Variants in TNNI3K observed in about 807,000 individuals in gnomAD.
The protein encoded by TNNI3K is serine/threonine-protein kinase TNNI3K.
In TNNI3K, 140 loss-of-function variants were observed where a neutral mutation model predicts 114.5. The ratio of observed to expected loss-of-function variants is 1.22; its 90% CI spans 1.07 to 1.41. The LOEUF (loss-of-function observed/expected upper bound fraction) is 1.41. TNNI3K is among the 40% of genes most tolerant of loss of function. TNNI3K has a pLI of 0.00. For missense variants in TNNI3K, 1,125 were observed against 1,007.6 expected (o/e 1.12, Z -1.58); for synonymous variants, 347 against 347.5 (o/e 1.00, Z 0.02).
chr1:74,463,288 G>C (rs1667526314), intron 20 of TNNI3K, among the ~76,000 whole-genome samples, 153 bp from the exon 21 acceptor site: 1 of 152,168 alleles, frequency 6.6e-6, no homozygotes, highest in Non-Finnish European at 1.5e-5. Flanking sequence ...ACTTTCTTTA[G>C]ACCATTGGGG....
chr1:74,271,373 C>T (rs1040111416), intron 4 of TNNI3K, among the ~76,000 whole-genome samples: 3 of 151,818 alleles, frequency 2.0e-5, no homozygotes, highest in Admixed American at 6.6e-5. Flanking sequence ...CTTGTTCAAG[C>T]GGTAGAGGAT....
chr1:74,520,022 A>C (rs1646408137), intron 23 of TNNI3K, among the ~76,000 whole-genome samples: 1 of 152,088 alleles, frequency 6.6e-6, no homozygotes, highest in Admixed American at 6.6e-5. Flanking sequence ...TATTTCCATA[A>C]GTTTTTGGGG....
chr1:74,263,985 T>C (rs1181125487), intron 4 of TNNI3K, among the ~76,000 whole-genome samples: 1 of 151,836 alleles, frequency 6.6e-6, no homozygotes, highest in African/African-American at 2.4e-5. Flanking sequence ...ATCATCTCTA[T>C]ATTATTAAAT....
At chr1:74,439,443 G>T in intron 19 of TNNI3K, 47 bp from the exon 20 acceptor site, 2 of 1,597,078 alleles carry the variant, frequency 1.3e-6, no homozygotes, top group Non-Finnish European at 1.7e-6. Flanking sequence ...TGCAGTGGAA[G>T]AACCAAACAC....
chr1:74,445,905 C>T (rs538134721), intron 20 of TNNI3K, among the ~76,000 whole-genome samples: 156 of 152,214 alleles, frequency 1.0e-3, no homozygotes, highest in Middle Eastern at 3.4e-3. Context: ...CCACCGTGCC[C>T]GGCCGTTCCA....
intron 21 of TNNI3K, among the ~76,000 whole-genome samples, chr1:74,485,986 G>A (rs531747368): frequency 6.6e-6 from 1 of 152,246 alleles, no homozygotes; most frequent in African/African-American, 2.4e-5. Flanking sequence ...AAAGGACCCG[G>A]CTAATCTATA....
intron 7 of TNNI3K, among the ~76,000 whole-genome samples, chr1:74,337,432 A>G (rs1252344862): frequency 6.6e-6 from 1 of 151,932 alleles, no homozygotes; most frequent in Non-Finnish European, 1.5e-5. Context: ...GCCCATGCCT[A>G]TGTCCTGAAT....
chr1:74,295,657 A>G (rs951102220), intron 5 of TNNI3K, among the ~76,000 whole-genome samples: 5 of 152,108 alleles, frequency 3.3e-5, no homozygotes, highest in Admixed American at 1.3e-4. Flanking sequence ...TCTTTTAGCA[A>G]TATCACTATG....
intron 24 of TNNI3K, among the ~76,000 whole-genome samples, chr1:74,543,075 T>C (rs1181944377): frequency 1.7e-4 from 21 of 126,472 alleles, no homozygotes; most frequent in Non-Finnish European, 3.2e-4. Context: ...TTTTTTTTTT[T>C]TTTTTTTTTT....
intron 17 of TNNI3K, chr1:74,377,218 C>T (rs778444942): frequency 2.6e-5 from 4 of 151,982 alleles, no homozygotes; most frequent in Admixed American, 1.3e-4. Flanking sequence ...CAAGTCACAA[C>T]GTAACTCCAA....
chr1:74,351,764 A>G (rs1366749966), intron 9 of TNNI3K, among the ~76,000 whole-genome samples: 1 of 152,114 alleles, frequency 6.6e-6, no homozygotes, highest in Admixed American at 6.6e-5. Context: ...CGCATCGGTT[A>G]CTGAGGCTTG....
chr1:74,257,663 C>CTTACCTCT (rs771946564), intron 4 of TNNI3K, among the ~76,000 whole-genome samples: 12 of 87,280 alleles, frequency 1.4e-4, no homozygotes, highest in African/African-American at 5.9e-4. Flanking sequence ...TGGCTTACCT[C>CTTACCTCT]TTTTTTTTTT....
intron 20 of TNNI3K, among the ~76,000 whole-genome samples, chr1:74,456,033 C>T (rs1411089742): frequency 1.3e-5 from 2 of 152,130 alleles, no homozygotes; most frequent in Non-Finnish European, 1.5e-5. Flanking sequence ...TATAGAACAA[C>T]TCTTATTATT....
At chr1:74,330,514 A>G (rs934756690) in intron 5 of TNNI3K, among the ~76,000 whole-genome samples, 2 of 152,118 alleles carry the variant, frequency 1.3e-5, no homozygotes, top group African/African-American at 4.8e-5. Flanking sequence ...TGCTCTACAA[A>G]GTTATTGTAA....
At chr1:74,498,729 C>T (rs1669460436) in intron 23 of TNNI3K, among the ~76,000 whole-genome samples, 1 of 151,846 alleles carries the variant, frequency 6.6e-6, no homozygotes, top group African/African-American at 2.4e-5. Flanking sequence ...TCCAGTCTTC[C>T]CCCCGACTAT....
At chr1:74,402,260 A>G (rs1478545269) in intron 17 of TNNI3K, among the ~76,000 whole-genome samples, 4 of 152,166 alleles carry the variant, frequency 2.6e-5, no homozygotes, top group Admixed American at 2.0e-4. Context: ...AGGAAGCCTA[A>G]TGCCTGCTTT....
intron 9 of TNNI3K, among the ~76,000 whole-genome samples, chr1:74,348,140 G>A (rs533887012): frequency 6.6e-6 from 1 of 151,486 alleles, no homozygotes; most frequent in Non-Finnish European, 1.5e-5. Flanking sequence ...GGTCTAACAT[G>A]TAAGTCTTTA....
At chr1:74,529,655 A>G (rs560300221) in intron 23 of TNNI3K, among the ~76,000 whole-genome samples, 51 of 152,352 alleles carry the variant, frequency 3.3e-4, no homozygotes, top group South Asian at 8.3e-4. Context: ...ACACTAAAGT[A>G]TTTGGGAGAT....
intron 5 of TNNI3K, among the ~76,000 whole-genome samples, chr1:74,320,369 G>A (rs1380816283): frequency 6.6e-6 from 1 of 152,170 alleles, no homozygotes; most frequent in Non-Finnish European, 1.5e-5. Flanking sequence ...AACTGTGGAA[G>A]CACCAATTTC....
Sources: gnomAD v4.1 joint callset for allele counts (sites outside exome capture counted in the v4.1 genomes callset) on GRCh38, gnomAD v4.1.1 for gene constraint, MANE v1.5 for transcripts, NCBI Gene and HGNC (gene_info 2026-07-23, HGNC 2026-07-21) for gene names.